Variants in PGBD5 observed in about 807,000 individuals in gnomAD.
The protein encoded by PGBD5 is piggyBac transposable element derived 5.
A neutral mutation model predicts 47.9 loss-of-function variants in PGBD5; 14 were observed. The observed-to-expected ratio is 0.29, with a 90% confidence interval of 0.19 to 0.46. The LOEUF (loss-of-function observed/expected upper bound fraction) is 0.46. Ranked by LOEUF, PGBD5 falls within the 20% of genes least tolerant of loss-of-function variation. The pLI is 1.00. For synonymous variants in PGBD5, 316 were observed against 306.3 expected (o/e 1.03, Z -0.33); for missense variants, 635 against 716.0 (o/e 0.89, Z 1.29).
rs1476150176 is a variant in PGBD5, at chr1:230,405,446, AT to A, written c.331+20151del. On this transcript the variant is annotated intron_variant, in intron 1 of 6. Coordinates refer to ENST00000391860, the MANE Select transcript of PGBD5 (RefSeq NM_001258311.2). ...CTTTCTTATGATTTTTCTTCATAATATTTTTTTCTCTAGCTTATTTTAAGAA... is the reference window on the plus strand; with the variant it reads ...CTTTCTTATGATTTTTCTTCATAATATTTTTTCTCTAGCTTATTTTAAGAA... 5.9e-5 allele frequency among the ~76,000 whole-genome samples: 9 copies of A among 152,254 alleles called. No individual in the cohort carries two copies. In the South Asian group the frequency reaches 1.2e-3, roughly 21 times the overall value.
rs1302139272 is a variant in PGBD5, at chr1:230,425,960, A to G, written c.-32T>C. The G allele has an allele frequency of 9.8e-5, 41 of 418,294 alleles. No individual in the cohort carries two copies. The highest frequency in any genetic ancestry group is 1.1e-4 in the Non-Finnish European group (40 of 351,154). The allele number at this position is 418,294 out of a possible 1,614,324, so 25.9% of individuals were successfully genotyped here. On this transcript the variant is annotated 5_prime_UTR_variant, in exon 1 of 7. Transcript: ENST00000391860. The surrounding 1 kb of genome is among the most constrained non-coding windows in gnomAD (Gnocchi z 4.7). ...GGCCGCCGCCCGCGCGCCCGCCCCC[A>G]CAGTGCCTCCCAGCCGCACACGCCG... is the stretch of plus-strand genomic sequence containing the variant.
At chr1:230,346,987 T>C in intron 3 of PGBD5, among the ~76,000 whole-genome samples, 1 of 152,138 alleles carries the variant, frequency 6.6e-6, no homozygotes, top group African/African-American at 2.4e-5. Flanking sequence ...AACTCTTTAT[T>C]GTAAAACTTC....
At chr1:230,363,148 C>T (rs1242028486) in intron 1 of PGBD5, among the ~76,000 whole-genome samples, 2 of 152,224 alleles carry the variant, frequency 1.3e-5, no homozygotes, top group Admixed American at 6.5e-5. Flanking sequence ...ACCTCGCACA[C>T]ACAGGCAAGA....
intron 1 of PGBD5, among the ~76,000 whole-genome samples, chr1:230,409,218 A>G (rs6695328): frequency 0.23 from 34,775 of 152,136 alleles, 4,527 homozygotes; most frequent in Admixed American, 0.38. Flanking sequence ...ACAAGTGCTG[A>G]CAAGAATATG....
At chr1:230,334,457 A>G (rs992321356) in intron 4 of PGBD5, among the ~76,000 whole-genome samples, 1 of 152,252 alleles carries the variant, frequency 6.6e-6, no homozygotes, top group Non-Finnish European at 1.5e-5. Context: ...TCAAGTTTCC[A>G]TGAATCTATC....
At chr1:230,388,980 T>C (rs1266839070) in intron 1 of PGBD5, among the ~76,000 whole-genome samples, 7 of 152,102 alleles carry the variant, frequency 4.6e-5, no homozygotes, top group Non-Finnish European at 8.8e-5. Context: ...GTGGGCTCTC[T>C]CCTATGCCCA....
chr1:230,373,482 C>T (rs1667961615), intron 1 of PGBD5, among the ~76,000 whole-genome samples: 1 of 152,126 alleles, frequency 6.6e-6, no homozygotes, highest in African/African-American at 2.4e-5. Context: ...CTGCCATGCT[C>T]AGTGGGGGAG....
At chr1:230,401,956 G>A (rs1657148934) in intron 1 of PGBD5, among the ~76,000 whole-genome samples, 1 of 152,208 alleles carries the variant, frequency 6.6e-6, no homozygotes, top group African/African-American at 2.4e-5. Context: ...CTGTGGGGAG[G>A]GAGGGCAAGG....
intron 1 of PGBD5, among the ~76,000 whole-genome samples, chr1:230,417,961 G>GC (rs900465952): frequency 1.8e-4 from 28 of 152,208 alleles, no homozygotes; most frequent in South Asian, 4.2e-4. Context: ...TGGTGCTTTT[G>GC]CCCCCCCAGG....
chr1:230,352,894 G>A (rs971427304), intron 2 of PGBD5, among the ~76,000 whole-genome samples: 2 of 152,142 alleles, frequency 1.3e-5, no homozygotes, highest in African/African-American at 2.4e-5. Context: ...TGCCGAAGAC[G>A]TGCATCCTAC....
intron 1 of PGBD5, among the ~76,000 whole-genome samples, chr1:230,397,210 C>T (rs553295143): frequency 1.4e-4 from 22 of 152,350 alleles, no homozygotes; most frequent in Non-Finnish European, 2.2e-4. Context: ...CCACTGTTCC[C>T]GCTCAGAAAT....
intron 1 of PGBD5, among the ~76,000 whole-genome samples, chr1:230,384,542 G>A (rs1656590399): frequency 6.6e-6 from 1 of 152,268 alleles, no homozygotes; most frequent in South Asian, 2.1e-4. Flanking sequence ...GGCACGCGCT[G>A]GACAGCAGCC....
intron 5 of PGBD5, among the ~76,000 whole-genome samples, chr1:230,330,801 AC>A (rs1667202092): frequency 6.6e-6 from 1 of 152,152 alleles, no homozygotes. Context: ...TTTTTAAGGG[AC>A]GCTAGGATTC....
At position 230,326,351 on chromosome 1, in the gene PGBD5, G is replaced by A. The variant is rs576712083; in HGVS notation, c.1274-936C>T. On this transcript the variant is annotated intron_variant, in intron 5 of 6. Transcript: ENST00000391860. ...GAGAATCACTTGAAACTGGGAGGCC[G>A]AGGTTGCGGTTTGCTGAGATCGCTG... Among the ~76,000 whole-genome samples, 8 of 152,362 alleles carry A rather than the reference G, an allele frequency of 5.3e-5. No homozygotes were observed. In the South Asian group the frequency reaches 8.3e-4, roughly 16 times the overall value.
At position 230,317,219 on chromosome 1, in the gene PGBD5, G is replaced by A. The variant is rs1666964006; in HGVS notation, c.*6206C>T. On this transcript the variant is annotated 3_prime_UTR_variant, in exon 7 of 7. Coordinates refer to ENST00000391860, the MANE Select transcript of PGBD5 (RefSeq NM_001258311.2). ...GGCACAGACCACGTTGGGGTAACAC[G>A]TGCCCAGTTCTTAGCACAATGCCTG... is the stretch of plus-strand genomic sequence containing the variant. The A allele has an allele frequency of 6.6e-6, 1 of 152,260 alleles. No individual in the cohort carries two copies. The highest frequency in any genetic ancestry group is 6.5e-5 in the Admixed American group (1 of 15,282). The allele number at this position is 152,260 out of a possible 1,614,324, so 9.4% of individuals were successfully genotyped here. A position where few individuals can be genotyped will look rare whatever the true frequency, so the allele number is the denominator to read the frequency against.
Position 230,318,960 on chromosome 1 carries a change from C to T in PGBD5, c.*4465G>A, listed in dbSNP as rs1215688964. ...AGGACCCAGGGGGAGGGTGATGTCCCGGATCTCATAATGATTGTTTTCAGT... is the reference window on the plus strand; with the variant it reads ...AGGACCCAGGGGGAGGGTGATGTCCTGGATCTCATAATGATTGTTTTCAGT... On this transcript the variant is annotated 3_prime_UTR_variant, in exon 7 of 7. Transcript: ENST00000391860. 6.6e-6 allele frequency: 1 copy of T among 152,212 alleles called. No individual in the cohort carries two copies. The highest frequency in any genetic ancestry group is 2.1e-4 in the South Asian group (1 of 4,830). 9.4% of individuals were successfully genotyped at this position (152,212 alleles called of 1,614,324 possible).
intron 1 of PGBD5, among the ~76,000 whole-genome samples, chr1:230,397,909 G>C (rs1001699947): frequency 6.6e-6 from 1 of 152,162 alleles, no homozygotes; most frequent in Non-Finnish European, 1.5e-5. Context: ...CCCCTACATG[G>C]GCACAGACTC....
At chr1:230,374,301 C>T (rs1211064285) in intron 1 of PGBD5, among the ~76,000 whole-genome samples, 1 of 152,134 alleles carries the variant, frequency 6.6e-6, no homozygotes, top group Admixed American at 6.5e-5. Flanking sequence ...CCTGTAATCC[C>T]AGCTACTCAG....
intron 5 of PGBD5, 33 bp downstream of exon 5, chr1:230,332,811 G>A (rs746012604): frequency 2.5e-6 from 4 of 1,612,704 alleles, no homozygotes; most frequent in African/African-American, 1.3e-5. Context: ...ATCCCCGCGC[G>A]CCCCACTGTG....
Sources: allele counts gnomAD v4.1 joint callset (sites outside exome capture counted in the v4.1 genomes callset), GRCh38; gene constraint gnomAD v4.1.1; non-coding constraint Gnocchi (gnomAD v3.1); transcripts MANE v1.5; gene names NCBI Gene and HGNC (gene_info 2026-07-23, HGNC 2026-07-21).